Variants in LDB2 observed in about 807,000 individuals in gnomAD.
The protein encoded by LDB2 is LIM domain-binding protein 2.
LDB2 carries 12 observed loss-of-function variants against 44.3 expected under a neutral mutation model. The ratio of observed to expected loss-of-function variants is 0.27; its 90% CI spans 0.17 to 0.44. LDB2 has a LOEUF of 0.44. Ranked by LOEUF, LDB2 falls within the 20% of genes least tolerant of loss-of-function variation. The pLI, the probability that LDB2 is intolerant of heterozygous loss-of-function variation, is 1.00. For missense variants in LDB2, 344 were observed against 473.5 expected, an observed-to-expected ratio of 0.73 and a Z score of 2.54; for synonymous variants, 164 against 174.8, an observed-to-expected ratio of 0.94 and a Z score of 0.49.
chr4:16,796,577 T>C (rs1424917998), intron 1 of LDB2, among the ~76,000 whole-genome samples: 1 of 152,132 alleles, frequency 6.6e-6, no homozygotes, highest in Non-Finnish European at 1.5e-5. Context: ...ACACCCCCCT[T>C]GCAAGGAGAT....
rs201481655 is a variant in LDB2 at position 16,623,761 on chromosome 4, TAC to T, written c.236-27888_236-27887del. 2.8e-4 allele frequency among the ~76,000 whole-genome samples: 31 copies of T among 109,412 alleles called. 1 individual carries two copies. The highest frequency in any genetic ancestry group is 6.2e-5 in the Non-Finnish European group (3 of 48,332). The allele number at this position is 109,412 out of a possible 152,430, so 71.8% of individuals were successfully genotyped here. On this transcript the variant is annotated intron_variant, in intron 2 of 7. Coordinates refer to ENST00000304523, the MANE Select transcript of LDB2 (RefSeq NM_001290.5). The stretch of plus-strand genomic sequence containing the variant: ...AAAGCTGCTTAAAGTGCTTGAAATA[TAC>T]ATACACACACACACACACACACACG...
chr4:16,718,582 T>G (rs1053136651), intron 2 of LDB2, among the ~76,000 whole-genome samples: 11 of 152,132 alleles, frequency 7.2e-5, no homozygotes, highest in Non-Finnish European at 1.5e-4. Context: ...TCTCAAAGTT[T>G]GCCCTGAAGA....
At chr4:16,808,948 A>G (rs1161656968) in intron 1 of LDB2, among the ~76,000 whole-genome samples, 1 of 152,208 alleles carries the variant, frequency 6.6e-6, no homozygotes, top group Non-Finnish European at 1.5e-5. Flanking sequence ...AACTACTCTG[A>G]AAGTCCCTTT....
intron 2 of LDB2, among the ~76,000 whole-genome samples, chr4:16,615,375 A>G (rs1191410743): frequency 6.6e-6 from 1 of 152,222 alleles, no homozygotes; most frequent in Non-Finnish European, 1.5e-5. Context: ...TCGATGATAG[A>G]CTGGATAAAG....
At chr4:16,821,746 CAAAAAAAAAAA>C (rs562184189) in intron 1 of LDB2, among the ~76,000 whole-genome samples, 1 of 61,752 alleles carries the variant, frequency 1.6e-5, no homozygotes, top group Non-Finnish European at 2.9e-5. Context: ...AACATTAAAG[CAAAAAAAAAAA>C]AAAAAAAAAA....
In LDB2 at chr4:16,550,059, C is replaced by A. The variant is rs79692955; in HGVS notation, c.615+35863G>T. Reference sequence around the variant, plus strand: ...CAGGAATTCTTAAACAATGTGATGTCCTGGGGTGTATACTGGCTTTGGAAT... The same window carrying A: ...CAGGAATTCTTAAACAATGTGATGTACTGGGGTGTATACTGGCTTTGGAAT... On this transcript the variant is annotated intron_variant, in intron 5 of 7. Transcript: ENST00000304523. Among the ~76,000 whole-genome samples, 281 of 152,214 alleles carry A rather than the reference C, an allele frequency of 1.8e-3. 1 individual carries two copies. Among genetic ancestry groups the A allele is most frequent in the African/African-American group, 6.2e-3 (257 of 41,522 alleles).
At chr4:16,521,592 A>G (rs1726110379) in intron 5 of LDB2, among the ~76,000 whole-genome samples, 2 of 152,150 alleles carry the variant, frequency 1.3e-5, no homozygotes, top group Non-Finnish European at 1.5e-5. Flanking sequence ...TTAAGGAAAT[A>G]AGGAGGGGTA....
chr4:16,846,258 C>T (rs1431171566), intron 1 of LDB2, among the ~76,000 whole-genome samples: 1 of 152,190 alleles, frequency 6.6e-6, no homozygotes, highest in African/African-American at 2.4e-5. Flanking sequence ...GTCTAATACA[C>T]TTGGTTTAAC....
chr4:16,878,007 C>G (rs1382986051), intron 1 of LDB2, among the ~76,000 whole-genome samples: 2 of 151,808 alleles, frequency 1.3e-5, no homozygotes, highest in East Asian at 3.9e-4. Context: ...TCAAAAATGG[C>G]AAAGAGAATA....
At chr4:16,537,810 C>G (rs972186332) in intron 5 of LDB2, among the ~76,000 whole-genome samples, 1 of 152,148 alleles carries the variant, frequency 6.6e-6, no homozygotes, top group Non-Finnish European at 1.5e-5. Context: ...TGCTGTCTGT[C>G]CTTAACTGCC....
chr4:16,874,324 T>C (rs1717703079), intron 1 of LDB2, among the ~76,000 whole-genome samples: 1 of 152,182 alleles, frequency 6.6e-6, no homozygotes, highest in Non-Finnish European at 1.5e-5. Flanking sequence ...AAAAATCCCG[T>C]GTCTATATTT....
rs187376528 is a variant in LDB2, at chr4:16,505,173, C to T, written c.892-2300G>A. Among the ~76,000 whole-genome samples, 85 of 152,308 alleles carry T rather than the reference C, an allele frequency of 5.6e-4. No individual in the cohort carries two copies. In the South Asian group the frequency reaches 7.3e-3, roughly 13 times the overall value. ...ATGAACATAGTGGTTTGAATCATTT[C>T]CAATGGAGCCAACAGGCTTGTAATC... On this transcript the variant is annotated intron_variant, in intron 7 of 7. Transcript: ENST00000304523.
intron 2 of LDB2, among the ~76,000 whole-genome samples, chr4:16,699,742 T>C (rs1426020863): frequency 1.3e-5 from 2 of 152,206 alleles, no homozygotes; most frequent in African/African-American, 2.4e-5. Flanking sequence ...TGATCATTTA[T>C]AGCTCAAAGA....
At chr4:16,690,177 C>A (rs2152588731) in intron 2 of LDB2, among the ~76,000 whole-genome samples, 1 of 152,182 alleles carries the variant, frequency 6.6e-6, no homozygotes, top group Middle Eastern at 3.4e-3. Context: ...GTGGTATAAA[C>A]AATGCTACAC....
intron 5 of LDB2, among the ~76,000 whole-genome samples, chr4:16,557,256 G>C (rs1056630217): frequency 2.6e-5 from 4 of 152,202 alleles, no homozygotes; most frequent in African/African-American, 9.6e-5. Context: ...AGCAGGGTGA[G>C]GCATTGCCTT....
chr4:16,695,329 G>A (rs1200453478), intron 2 of LDB2, among the ~76,000 whole-genome samples: 4 of 151,946 alleles, frequency 2.6e-5, no homozygotes, highest in Admixed American at 6.6e-5. Flanking sequence ...TCAGGAGTTC[G>A]AGACCAGCCT....
intron 1 of LDB2, among the ~76,000 whole-genome samples, chr4:16,821,808 C>T (rs1782136467): frequency 7.0e-6 from 1 of 143,852 alleles, no homozygotes; most frequent in Admixed American, 7.1e-5. Flanking sequence ...GGCAAATCGC[C>T]CAGGTTCTCT....
At chr4:16,557,392 G>A (rs550904818) in intron 5 of LDB2, among the ~76,000 whole-genome samples, 6 of 152,296 alleles carry the variant, frequency 3.9e-5, no homozygotes, top group East Asian at 1.9e-4. Context: ...TTAAAAAGGC[G>A]CACCAGGAGA....
At chr4:16,553,948 C>G (rs773177010) in intron 5 of LDB2, among the ~76,000 whole-genome samples, 1 of 152,164 alleles carries the variant, frequency 6.6e-6, no homozygotes, top group Non-Finnish European at 1.5e-5. Flanking sequence ...AGCCACCACT[C>G]TGTCTGGATA....
Sources: gnomAD v4.1 joint callset for allele counts (sites outside exome capture counted in the v4.1 genomes callset) on GRCh38, gnomAD v4.1.1 for gene constraint, MANE v1.5 for transcripts, NCBI Gene and HGNC (gene_info 2026-07-23, HGNC 2026-07-21) for gene names.